Variants in DMD observed in about 807,000 individuals in gnomAD.
The protein encoded by DMD is mutant dystrophin.
DMD carries 63 observed loss-of-function variants against 330.1 expected under a neutral mutation model. The ratio of observed to expected loss-of-function variants is 0.19; its 90% CI spans 0.16 to 0.24. DMD has a LOEUF of 0.24. DMD is among the 10% of genes least tolerant of loss of function. The pLI, the probability that DMD is intolerant of heterozygous loss-of-function variation, is 1.00. For synonymous variants in DMD, 1,223 were observed against 959.8 expected (o/e 1.27, Z -5.07); for missense variants, 3,344 against 2,684.1 (o/e 1.25, Z -5.43).
At chrX:31,864,485 CTTTTTTTTT>C (rs201374257) in intron 48 of DMD, among the ~76,000 whole-genome samples, 7,234 of 54,392 alleles carry the variant, frequency 0.13, 384 homozygotes, top group Admixed American at 0.33. Context: ...TTTTGAAGGC[CTTTTTTTTT>C]TTTTTTTTTT....
chrX:33,017,906 C>T (rs1387721885), intron 2 of DMD, among the ~76,000 whole-genome samples: 1 of 111,861 alleles, frequency 8.9e-6, no homozygotes, highest in East Asian at 2.8e-4. Context: ...AGGCATGCAG[C>T]GATGCAATAA....
intron 44 of DMD, among the ~76,000 whole-genome samples, chrX:32,064,475 A>G (rs1305221881): frequency 9.0e-6 from 1 of 111,370 alleles, no homozygotes; most frequent in Non-Finnish European, 1.9e-5. Flanking sequence ...CCTAGCCACA[A>G]AAACATCTAC....
chrX:31,537,516 A>G (rs1268741189), intron 55 of DMD, among the ~76,000 whole-genome samples: 1 of 112,149 alleles, frequency 8.9e-6, no homozygotes, highest in Non-Finnish European at 1.9e-5. Flanking sequence ...TTCAGCTCAC[A>G]TACCTAGGTA....
intron 2 of DMD, among the ~76,000 whole-genome samples, chrX:32,877,619 C>CT (rs1208309673): frequency 2.8e-4 from 31 of 111,984 alleles, no homozygotes; most frequent in African/African-American, 1.0e-3. Flanking sequence ...ACCTCCTTGG[C>CT]TTTTGTGGTC....
Position 31,178,822 on chromosome X carries a change from G to A in DMD, c.10087-17C>T, listed in dbSNP as rs745874317. ...TGATGTAGTCTAAAAGGGAGATCAT[G>A]GTGAGATCAGATTTAGGACAGGATG... On this transcript the variant is annotated splice_polypyrimidine_tract_variant and intron_variant, in intron 69 of 78. Transcript: ENST00000357033. 5.0e-6 allele frequency: 6 copies of A among 1,206,357 alleles called. No homozygotes were observed. The highest frequency in any genetic ancestry group is 6.7e-6 in the Non-Finnish European group (6 of 892,464).
chrX:31,132,335 C>T (rs765672127), intron 77 of DMD, among the ~76,000 whole-genome samples: 1 of 112,138 alleles, frequency 8.9e-6, no homozygotes, highest in African/African-American at 3.2e-5. Context: ...ACTCTAAAAG[C>T]GGGACACAGG....
At chrX:31,284,557 T>TTTTTTCTTCTTCTTTCTTCTTTC (rs2052885922) in intron 62 of DMD, among the ~76,000 whole-genome samples, 2 of 78,064 alleles carry the variant, frequency 2.6e-5, no homozygotes, top group African/African-American at 1.0e-4. Context: ...TAACGAACTG[T>TTTTTTCTTCTTCTTTCTTCTTTC]TTCTTCTTCT....
At position 33,009,908 on chromosome X, in the gene DMD, A is replaced by G. The variant is rs765205630; in HGVS notation, c.93+10231T>C. Among the ~76,000 whole-genome samples the G allele has an allele frequency of 1.2e-3, 67 of 58,206 alleles. 4 individuals carry two copies. The highest frequency in any genetic ancestry group is 4.4e-3 in the African/African-American group (60 of 13,606). The allele number at this position is 58,206 out of a possible 115,157, so 50.5% of individuals were successfully genotyped here. A position where few individuals can be genotyped will look rare whatever the true frequency, so the allele number is the denominator to read the frequency against. On this transcript the variant is annotated intron_variant, in intron 2 of 78. Coordinates refer to ENST00000357033, the MANE Select transcript of DMD (RefSeq NM_004006.3). Reference sequence around the variant, plus strand: ...CACACATATGTGTATATGTGTGTATATGTGTATATGTGTGTATACACATGT... The same window carrying G: ...CACACATATGTGTATATGTGTGTATGTGTGTATATGTGTGTATACACATGT...
At chrX:32,693,643 T>G (rs979818114) in intron 9 of DMD, among the ~76,000 whole-genome samples, 4 of 112,038 alleles carry the variant, frequency 3.6e-5, no homozygotes, top group Non-Finnish European at 7.5e-5. Flanking sequence ...TTTTGCCATG[T>G]TGGCCAGGCT....
chrX:33,227,056 A>C (rs774836740), intron 1 of DMD, among the ~76,000 whole-genome samples: 5 of 110,022 alleles, frequency 4.5e-5, no homozygotes, highest in Non-Finnish European at 9.5e-5. Context: ...TAAATATGCA[A>C]ATCAGAATTC....
chrX:32,895,872 T>TA (rs1557123336), intron 2 of DMD, among the ~76,000 whole-genome samples: 7 of 97,344 alleles, frequency 7.2e-5, no homozygotes, highest in Admixed American at 3.5e-4. Context: ...TGTGTGTGTG[T>TA]GTGTAGTGTA....
At chrX:32,708,455 G>A (rs2064886887) in intron 7 of DMD, among the ~76,000 whole-genome samples, 1 of 111,337 alleles carries the variant, frequency 9.0e-6, no homozygotes, top group Non-Finnish European at 1.9e-5. Context: ...TATAAAATGA[G>A]TCATATTAGT....
chrX:31,517,787 C>T (rs774273943), intron 55 of DMD, among the ~76,000 whole-genome samples: 1 of 111,369 alleles, frequency 9.0e-6, no homozygotes, highest in African/African-American at 3.3e-5. Flanking sequence ...TTCCATCCTT[C>T]TCTTGTCCTA....
intron 55 of DMD, among the ~76,000 whole-genome samples, chrX:31,539,243 C>T (rs1406915752): frequency 9.0e-6 from 1 of 111,417 alleles, no homozygotes. Flanking sequence ...CACGTATTTT[C>T]CTTCCTTGTT....
chrX:31,434,879 C>T (rs1182693437), intron 60 of DMD, among the ~76,000 whole-genome samples: 2 of 111,791 alleles, frequency 1.8e-5, no homozygotes, highest in South Asian at 7.6e-4. Flanking sequence ...AACTCATGAT[C>T]CAGGTGATTC....
Position 32,211,993 on chromosome X carries a change from TTA to T in DMD, c.6438+4921_6438+4922del, listed in dbSNP as rs1277137476. Among the ~76,000 whole-genome samples the T allele has an allele frequency of 8.0e-5, 9 of 112,224 alleles. No homozygotes were observed. The Admixed American group carries it at 8.6e-4, about 11-fold the overall frequency. ...TGCTAGCTTTAAATGTTAGGGCATTTTATAATTTCTACTTTCCTATTTTCACT... is the reference window on the plus strand; with the variant it reads ...TGCTAGCTTTAAATGTTAGGGCATTTTAATTTCTACTTTCCTATTTTCACT... On this transcript the variant is annotated intron_variant, in intron 44 of 78. Transcript: ENST00000357033.
intron 60 of DMD, among the ~76,000 whole-genome samples, chrX:31,411,509 A>G (rs1174949877): frequency 8.9e-6 from 1 of 112,366 alleles, no homozygotes; most frequent in Admixed American, 9.4e-5. Flanking sequence ...TACATTGTAT[A>G]TATTGGTCAC....
intron 19 of DMD, among the ~76,000 whole-genome samples, chrX:32,492,686 A>T (rs1189796832): frequency 8.9e-6 from 1 of 112,575 alleles, no homozygotes; most frequent in African/African-American, 3.2e-5. Flanking sequence ...GTTAGTTTAC[A>T]AAATTTAGAC....
chrX:32,402,308 T>G (rs929119993), intron 30 of DMD, among the ~76,000 whole-genome samples: 1 of 111,701 alleles, frequency 9.0e-6, no homozygotes, highest in East Asian at 2.8e-4. Context: ...TGATATATTC[T>G]CTATTCAATA....
Sources: allele counts gnomAD v4.1 joint callset (sites outside exome capture counted in the v4.1 genomes callset), GRCh38; gene constraint gnomAD v4.1.1; transcripts MANE v1.5; gene names NCBI Gene and HGNC (gene_info 2026-07-23, HGNC 2026-07-21).